TMPRSS11F: variants seen among roughly 807,000 people sequenced by gnomAD.
The protein encoded by TMPRSS11F is transmembrane protease serine 11F.
A neutral mutation model predicts 60.2 loss-of-function variants in TMPRSS11F; 47 were observed. The observed-to-expected ratio is 0.78, with a 90% CI of 0.62 to 1.00. TMPRSS11F has a LOEUF of 1.00. Ranked by LOEUF, TMPRSS11F falls within the 50% of genes least tolerant of loss-of-function variation. The probability of loss-of-function intolerance (pLI) is 0.00; values close to 1 mark genes in which losing one functional copy is unlikely to be tolerated. For synonymous variants in TMPRSS11F, 166 were observed against 167.3 expected (o/e 0.99, Z 0.06); for missense variants, 519 against 522.9 (o/e 0.99, Z 0.07).
intron 1 of TMPRSS11F, among the ~76,000 whole-genome samples, chr4:68,119,644 A>C (rs527923602): frequency 6.6e-6 from 1 of 152,188 alleles, no homozygotes; most frequent in African/African-American, 2.4e-5. Flanking sequence ...ATGGTTTACC[A>C]AATATTTTAA....
chr4:68,060,233 C>T (rs575774216), intron 8 of TMPRSS11F, among the ~76,000 whole-genome samples: 3 of 151,314 alleles, frequency 2.0e-5, no homozygotes, highest in South Asian at 4.2e-4. Context: ...GTTGGCCAGG[C>T]GTGGTGGCTC....
intron 8 of TMPRSS11F, among the ~76,000 whole-genome samples, chr4:68,064,067 T>C (rs918680091): frequency 1.3e-5 from 2 of 152,194 alleles, no homozygotes; most frequent in Admixed American, 1.3e-4. Context: ...TGTCCCTTCT[T>C]ATATCACCTG....
At chr4:68,092,920 C>T (rs955421984) in intron 2 of TMPRSS11F, among the ~76,000 whole-genome samples, 1 of 152,080 alleles carries the variant, frequency 6.6e-6, no homozygotes, top group Non-Finnish European at 1.5e-5. Flanking sequence ...ATATATGAAG[C>T]ATAACTATAT....
At chr4:68,105,388 C>A (rs1398377452) in intron 1 of TMPRSS11F, among the ~76,000 whole-genome samples, 1 of 152,052 alleles carries the variant, frequency 6.6e-6, no homozygotes, top group Non-Finnish European at 1.5e-5. Context: ...TCCGTATATC[C>A]TCTAAACTAG....
At chr4:68,074,530 G>T (rs1723544331) in intron 3 of TMPRSS11F, among the ~76,000 whole-genome samples, 1 of 152,136 alleles carries the variant, frequency 6.6e-6, no homozygotes, top group African/African-American at 2.4e-5. Context: ...TTTCTTAAAT[G>T]ATTATGTCAT....
chr4:68,056,009 A>G (rs1723036071), intron 9 of TMPRSS11F, among the ~76,000 whole-genome samples: 1 of 152,184 alleles, frequency 6.6e-6, no homozygotes, highest in African/African-American at 2.4e-5. Flanking sequence ...CTTTTGTAAG[A>G]AAAACTTTCA....
intron 1 of TMPRSS11F, among the ~76,000 whole-genome samples, chr4:68,114,293 T>C (rs577025011): frequency 6.6e-6 from 1 of 151,204 alleles, no homozygotes; most frequent in South Asian, 2.1e-4. Context: ...GAAAAGTCAA[T>C]AGAAACAAGT....
chr4:68,078,099 C>A (rs1723622943), intron 3 of TMPRSS11F, among the ~76,000 whole-genome samples: 1 of 152,132 alleles, frequency 6.6e-6, no homozygotes, highest in Non-Finnish European at 1.5e-5. Flanking sequence ...GGTCCCCTGG[C>A]CTTTGGCAAC....
chr4:68,124,202 C>A (rs1724673165), intron 1 of TMPRSS11F, among the ~76,000 whole-genome samples: 2 of 143,088 alleles, frequency 1.4e-5, no homozygotes, highest in African/African-American at 5.4e-5. Context: ...GCCTGGGCGA[C>A]AGAGTGAGAC....
At chr4:68,104,178 A>G (rs900015045) in intron 1 of TMPRSS11F, among the ~76,000 whole-genome samples, 18 of 152,140 alleles carry the variant, frequency 1.2e-4, no homozygotes. Flanking sequence ...ACTATGTTGA[A>G]CAGAAGTGGC....
chr4:68,092,001 GT>G (rs1321435330), intron 2 of TMPRSS11F, among the ~76,000 whole-genome samples: 1 of 151,966 alleles, frequency 6.6e-6, no homozygotes, highest in African/African-American at 2.4e-5. Context: ...GTCCAGGCTG[GT>G]CTCGAACTCC....
chr4:68,074,150 A>C, intron 3 of TMPRSS11F, 141 bp from the exon 4 acceptor site: 1 of 507,214 alleles, frequency 2.0e-6, no homozygotes, highest in Non-Finnish European at 3.4e-6. Flanking sequence ...AAAAATAAAA[A>C]AGATTTTCAG....
At chr4:68,115,757 A>T (rs867121789) in intron 1 of TMPRSS11F, among the ~76,000 whole-genome samples, 3 of 152,338 alleles carry the variant, frequency 2.0e-5, no homozygotes, top group Middle Eastern at 6.8e-3. Context: ...AAAAGCAGTA[A>T]CATATACAAT....
intron 1 of TMPRSS11F, among the ~76,000 whole-genome samples, chr4:68,120,516 G>GT (rs1724604600): frequency 2.0e-5 from 3 of 149,808 alleles, no homozygotes; most frequent in Non-Finnish European, 4.5e-5. Context: ...AGCCTCCCAA[G>GT]TAGCTGGGAC....
chr4:68,073,063 G>A (rs7654149), intron 4 of TMPRSS11F, among the ~76,000 whole-genome samples: 145,237 of 152,174 alleles, frequency 0.95, 69,700 homozygotes, highest in East Asian at 1. Flanking sequence ...AACCTCTCAT[G>A]GCATTTTCCT....
At position 68,057,282 on chromosome 4, in the gene TMPRSS11F, CAAAA is replaced by C. The variant is rs869035642; in HGVS notation, c.1158+2040_1158+2043del. ...CCTGAGTGACAAAGCGAGACTGTCTCAAAAAAAAAAAAAAAAAAAGGAGAAGAAG... is the reference window on the plus strand; with the variant it reads ...CCTGAGTGACAAAGCGAGACTGTCTCAAAAAAAAAAAAAAAGGAGAAGAAG... On this transcript the variant is annotated intron_variant, in intron 9 of 9. Coordinates refer to ENST00000356291, the MANE Select transcript of TMPRSS11F (RefSeq NM_207407.2). Among the ~76,000 whole-genome samples, 377 of 56,954 alleles carry C rather than the reference CAAAA, an allele frequency of 6.6e-3. 1 individual carries two copies. Among genetic ancestry groups the C allele is most frequent in the Non-Finnish European group, 0.011 (277 of 26,126 alleles). The allele number at this position is 56,954 out of a possible 152,430, so 37.4% of individuals were successfully genotyped here. A position where few individuals can be genotyped will look rare whatever the true frequency, so the allele number is the denominator to read the frequency against.
chr4:68,123,510 G>A (rs1724661093), intron 1 of TMPRSS11F, among the ~76,000 whole-genome samples: 1 of 152,140 alleles, frequency 6.6e-6, no homozygotes, highest in African/African-American at 2.4e-5. Flanking sequence ...ATTTTTTAAA[G>A]TGATATGATA....
At chr4:68,060,834 A>G (rs1040704439) in intron 8 of TMPRSS11F, among the ~76,000 whole-genome samples, 2 of 151,548 alleles carry the variant, frequency 1.3e-5, no homozygotes, top group Non-Finnish European at 2.9e-5. Flanking sequence ...GTCTTTTTGG[A>G]TTTCTTTTAA....
At chr4:68,079,904 T>C (rs573951554) in intron 3 of TMPRSS11F, among the ~76,000 whole-genome samples, 2 of 152,356 alleles carry the variant, frequency 1.3e-5, no homozygotes, top group East Asian at 3.9e-4. Context: ...TTGGCAAGTC[T>C]GAGCTCACAT....
Sources: gnomAD v4.1 joint callset for allele counts (sites outside exome capture counted in the v4.1 genomes callset) on GRCh38, gnomAD v4.1.1 for gene constraint, MANE v1.5 for transcripts, NCBI Gene and HGNC (gene_info 2026-07-23, HGNC 2026-07-21) for gene names.